BTBD10: variants seen among roughly 807,000 people sequenced by gnomAD.
BTBD10 encodes the protein BTB/POZ domain-containing protein 10.
BTBD10 carries 21 observed loss-of-function variants against 53.2 expected under a neutral mutation model. The observed-to-expected ratio is 0.39, with a 90% confidence interval of 0.28 to 0.57. BTBD10 has a LOEUF of 0.57. Among genes scored for constraint, BTBD10 ranks in the 20% least tolerant of loss-of-function variants. BTBD10 has a pLI of 0.53. For synonymous variants in BTBD10, 149 were observed against 192.7 expected, an observed-to-expected ratio of 0.77 and a Z score of 1.88; for missense variants, 360 against 594.7, an observed-to-expected ratio of 0.61 and a Z score of 4.10.
rs138480720 is a variant in BTBD10, at chr11:13,428,652, C to A, written c.102-6814G>T. ...CAATATTCTAAACAAAATTTTAACA[C>A]ATCAAATCCAGCAATACATAAAAAA... On this transcript the variant is annotated intron_variant, in intron 2 of 8. Coordinates refer to ENST00000278174, the MANE Select transcript of BTBD10 (RefSeq NM_032320.7). 5.0e-3 allele frequency among the ~76,000 whole-genome samples: 763 copies of A among 152,132 alleles called. 3 individuals carry two copies. Among genetic ancestry groups the A allele is most frequent in the Admixed American group, 0.013 (206 of 15,274 alleles).
intron 5 of BTBD10, among the ~76,000 whole-genome samples, chr11:13,416,698 T>C (rs11022810): frequency 0.47 from 71,289 of 151,990 alleles, 17,716 homozygotes; most frequent in South Asian, 0.62. Context: ...GATGAGAGCA[T>C]GGCATGGTGG....
Position 13,445,024 on chromosome 11 carries a change from C to T in BTBD10, c.101G>A (p.Ser34Asn), listed in dbSNP as rs1565267766. The T allele has an allele frequency of 6.2e-7, 1 of 1,601,450 alleles. No homozygotes were observed. The highest frequency in any genetic ancestry group is 8.6e-7 in the Non-Finnish European group (1 of 1,169,078). ...TGCGAAATACATATTTTCTACCTAC[C>T]TTGAATGTTTATAAAGTTTACGAGG... ...SRPRKLYKHS[S>N]TSSRIAKGGV... Residue 34 changes from serine (S) to asparagine (N), a missense_variant and splice_region_variant, in exon 2 of 9, where the codon AGT becomes AAT. Transcript: ENST00000278174.
intron 1 of BTBD10, among the ~76,000 whole-genome samples, chr11:13,457,178 A>C (rs1420829507): frequency 6.6e-6 from 1 of 152,120 alleles, no homozygotes; most frequent in Non-Finnish European, 1.5e-5. Context: ...AATTAAATAA[A>C]TAAATAAATA....
chr11:13,403,292 G>A lies in BTBD10; in HGVS notation c.1007-14C>T. On this transcript the variant is annotated splice_polypyrimidine_tract_variant and intron_variant, in intron 7 of 8. Coordinates refer to ENST00000278174, the MANE Select transcript of BTBD10 (RefSeq NM_032320.7). Reference sequence around the variant, plus strand: ...TGCTATAAATAACTAGAAACAAAAAGAAAAATATTATTGTATTAAAATTAA... The same window carrying A: ...TGCTATAAATAACTAGAAACAAAAAAAAAAATATTATTGTATTAAAATTAA... 7.8e-7 allele frequency: 1 copy of A among 1,274,454 alleles called. No homozygotes were observed. Among genetic ancestry groups the A allele is most frequent in the Non-Finnish European group, 1.1e-6 (1 of 920,696 alleles). The allele number at this position is 1,274,454 out of a possible 1,614,324, so 78.9% of individuals were successfully genotyped here.
chr11:13,449,229 GAACAAAACAA>G (rs199872445), intron 1 of BTBD10, among the ~76,000 whole-genome samples: 1 of 152,018 alleles, frequency 6.6e-6, no homozygotes, highest in African/African-American at 2.4e-5. Context: ...ATAAATGGAA[GAACAAAACAA>G]AACAAAACAA....
At chr11:13,396,213 A>C (rs1312091439) in intron 8 of BTBD10, among the ~76,000 whole-genome samples, 1 of 151,990 alleles carries the variant, frequency 6.6e-6, no homozygotes, top group East Asian at 1.9e-4. Context: ...CTTTTATTTC[A>C]CTGAGCAGTG....
At chr11:13,410,324 C>G (rs1252061556) in intron 6 of BTBD10, among the ~76,000 whole-genome samples, 1 of 152,002 alleles carries the variant, frequency 6.6e-6, no homozygotes, top group Admixed American at 6.6e-5. Context: ...TTCCAAGGAT[C>G]AGGAAAAAGG....
At chr11:13,413,787 T>C in intron 5 of BTBD10, 137 bp from the exon 6 acceptor site, 3 of 770,618 alleles carry the variant, frequency 3.9e-6, no homozygotes, top group Non-Finnish European at 3.8e-6. Context: ...AGTTTAAACT[T>C]AGATGAGACC....
intron 7 of BTBD10, 170 bp downstream of exon 7, chr11:13,405,489 T>C: frequency 1.5e-6 from 1 of 654,156 alleles, no homozygotes; most frequent in Non-Finnish European, 2.6e-6. Flanking sequence ...TACTCAACTC[T>C]GCCACTGTAG....
In BTBD10 at chr11:13,388,981, G is replaced by C; in HGVS notation, c.1278C>G (p.Thr426=). The change falls in exon 9 of 9, where the codon ACC becomes ACG. Residue 426 remains threonine (T), a synonymous_variant. Coordinates refer to ENST00000278174, the MANE Select transcript of BTBD10 (RefSeq NM_032320.7). Reference sequence around the variant, plus strand: ...TGTCTGCTGCAGCTGCTGCAAGATTGGTGATAGATTTACTCTTTACACACT... The same window carrying C: ...TGTCTGCTGCAGCTGCTGCAAGATTCGTGATAGATTTACTCTTTACACACT... ...DFQCVKSKSI[T]NLAAAAADIP... The C allele has an allele frequency of 6.2e-7, 1 of 1,614,158 alleles. No individual in the cohort carries two copies.
At position 13,388,680 on chromosome 11, in the gene BTBD10, A is replaced by C. The variant is rs1214493916; in HGVS notation, c.*151T>G. The C allele has an allele frequency of 7.7e-6, 6 of 779,556 alleles. No homozygotes were observed. In the East Asian group the frequency reaches 1.6e-4, roughly 20 times the overall value. The allele number at this position is 779,556 out of a possible 1,614,324, so 48.3% of individuals were successfully genotyped here. On this transcript the variant is annotated 3_prime_UTR_variant, in exon 9 of 9. Coordinates refer to ENST00000278174, the MANE Select transcript of BTBD10 (RefSeq NM_032320.7). Reference sequence around the variant, plus strand: ...TCATTTAAAAAAAAACCATTCAGCTACCTTTGGTCTTTAAAAAAGCCTACA... The same window carrying C: ...TCATTTAAAAAAAAACCATTCAGCTCCCTTTGGTCTTTAAAAAAGCCTACA...
intron 1 of BTBD10, among the ~76,000 whole-genome samples, chr11:13,462,018 G>C (rs889245388): frequency 1.4e-5 from 2 of 145,694 alleles, no homozygotes; most frequent in Middle Eastern, 7.2e-3. Context: ...ATATTCAAAT[G>C]ACAACTGCAG....
chr11:13,394,316 C>T (rs1949480361), intron 8 of BTBD10, among the ~76,000 whole-genome samples: 1 of 152,062 alleles, frequency 6.6e-6, no homozygotes, highest in African/African-American at 2.4e-5. Context: ...CCATGCTGTT[C>T]TTGTGATAGT....
chr11:13,418,322 C>T (rs1282009321), intron 4 of BTBD10, among the ~76,000 whole-genome samples: 1 of 152,010 alleles, frequency 6.6e-6, no homozygotes, highest in Non-Finnish European at 1.5e-5. Flanking sequence ...TTTCAGGAAT[C>T]AAATGTCATC....
chr11:13,420,443 G>A (rs79044199), intron 3 of BTBD10, among the ~76,000 whole-genome samples: 5,183 of 151,942 alleles, frequency 0.034, 288 homozygotes, highest in African/African-American at 0.12. Context: ...ATTACAGTCT[G>A]TAATTTTCAT....
intron 8 of BTBD10, among the ~76,000 whole-genome samples, chr11:13,393,245 G>C (rs1949452897): frequency 6.6e-6 from 1 of 152,140 alleles, no homozygotes; most frequent in Non-Finnish European, 1.5e-5. Context: ...GGACCACAGA[G>C]CTAAAATTAT....
At chr11:13,403,362 C>A (rs1166502647) in intron 7 of BTBD10, 84 bp from the exon 8 acceptor site, 2 of 701,038 alleles carry the variant, frequency 2.9e-6, no homozygotes, top group Middle Eastern at 3.2e-4. Context: ...ATCAAAGGGG[C>A]CTAACAGTCC....
At chr11:13,406,566 A>G (rs1019671508) in intron 6 of BTBD10, among the ~76,000 whole-genome samples, 7 of 147,294 alleles carry the variant, frequency 4.8e-5, no homozygotes, top group Admixed American at 1.4e-4. Context: ...TGAGTGAGAG[A>G]GAGAGAGAGA....
chr11:13,433,356 G>GT (rs980621984), intron 2 of BTBD10, among the ~76,000 whole-genome samples: 2 of 151,924 alleles, frequency 1.3e-5, no homozygotes, highest in African/African-American at 4.8e-5. Flanking sequence ...GTTTGAGTGT[G>GT]TTTTTTTTCC....
Sources: gnomAD v4.1 joint callset for allele counts (sites outside exome capture counted in the v4.1 genomes callset) on GRCh38, gnomAD v4.1.1 for gene constraint, MANE v1.5 for transcripts, NCBI Gene and HGNC (gene_info 2026-07-23, HGNC 2026-07-21) for gene names.